The following GABRP variants were observed in gnomAD, a reference collection of about 807,000 sequenced individuals.
The protein encoded by GABRP is gamma-aminobutyric acid type A receptor subunit pi.
A neutral mutation model predicts 47.8 loss-of-function variants in GABRP; 52 were observed. The ratio of observed to expected loss-of-function variants is 1.09; its 90% confidence interval spans 0.87 to 1.37. The LOEUF is 1.37. Ranked by LOEUF, GABRP falls within the 40% of genes most tolerant of loss-of-function variation. The pLI is 0.00. For synonymous variants in GABRP, 221 were observed against 205.8 expected, an observed-to-expected ratio of 1.07 and a Z score of -0.63; for missense variants, 525 against 542.8, an observed-to-expected ratio of 0.97 and a Z score of 0.33.
intron 3 of GABRP, among the ~76,000 whole-genome samples, chr5:170,793,051 G>A (rs537267374): frequency 7.2e-5 from 11 of 152,126 alleles, no homozygotes; most frequent in Non-Finnish European, 1.0e-4. Flanking sequence ...TGGACATGAC[G>A]CTGGGAGCTT....
chr5:170,805,839 C>G lies in GABRP; in HGVS notation c.665C>G (p.Ser222Trp), dbSNP rs548370382. Residue 222 changes from serine (S) to tryptophan (W), a missense_variant, in exon 7 of 10, where the codon TCG becomes TGG. Transcript: ENST00000265294. The stretch of plus-strand genomic sequence containing the variant: ...CGGTATTTCACCTTAGTCACCAGAT[C>G]GCAGCAGGAGACAGGTAACTCATGT... ...IERYFTLVTR[S>W]QQETGNYTRL... 1 of 1,614,054 alleles carries G rather than the reference C, an allele frequency of 6.2e-7. No individual in the cohort carries two copies. The highest frequency in any genetic ancestry group is 8.5e-7 in the Non-Finnish European group (1 of 1,179,978).
In GABRP at chr5:170,809,732, C is replaced by T. The variant is rs760059859; in HGVS notation, c.997C>T (p.Gln333Ter). ...TGCAGTTGCTCACTACAGTTCCTTACAGCAGATGGCAGCCAAAGATAGGGT... is the reference window on the plus strand; with the variant it reads ...TGCAGTTGCTCACTACAGTTCCTTATAGCAGATGGCAGCCAAAGATAGGGT... ...EYAVAHYSSL[Q>*]QMAAKDRGTT... Residue 333 changes from glutamine to a stop codon, truncating the protein, a stop_gained, in exon 9 of 10, where the codon CAG (glutamine) becomes TAG (stop). Coordinates refer to ENST00000265294, the MANE Select transcript of GABRP (RefSeq NM_014211.3). LOFTEE classifies it high-confidence loss of function. 2 of 1,598,134 alleles carry T rather than the reference C, an allele frequency of 1.3e-6. No individual in the cohort carries two copies. Among genetic ancestry groups the T allele is most frequent in the South Asian group, 2.3e-5 (2 of 87,506 alleles).
At chr5:170,810,355 A>G (rs1172770190) in intron 9 of GABRP, among the ~76,000 whole-genome samples, 1 of 152,212 alleles carries the variant, frequency 6.6e-6, no homozygotes, top group Non-Finnish European at 1.5e-5. Flanking sequence ...CAAATACTAT[A>G]TTATTTTAAA....
intron 5 of GABRP, 137 bp from the exon 6 acceptor site, chr5:170,797,329 G>T (rs1292243848): frequency 9.3e-6 from 6 of 647,620 alleles, no homozygotes; most frequent in African/African-American, 3.6e-5. Flanking sequence ...CCTCAAGGAT[G>T]CTTTACATGC....
chr5:170,802,739 GT>G (rs1161746313), intron 6 of GABRP, among the ~76,000 whole-genome samples: 1,677 of 150,106 alleles, frequency 0.011, 21 homozygotes, highest in South Asian at 0.062. Context: ...ACCATCCCCA[GT>G]GAGCGGAGGG....
At chr5:170,787,550 C>T (rs1305625324) in intron 1 of GABRP, among the ~76,000 whole-genome samples, 1 of 152,228 alleles carries the variant, frequency 6.6e-6, no homozygotes, top group African/African-American at 2.4e-5. Context: ...GAGGTCACGA[C>T]AGCAGCAAGG....
chr5:170,802,944 C>T (rs1330266204), intron 6 of GABRP, among the ~76,000 whole-genome samples: 1 of 152,190 alleles, frequency 6.6e-6, no homozygotes, highest in Non-Finnish European at 1.5e-5. Context: ...TAGAAAAGAA[C>T]TGATACCATC....
At chr5:170,783,372 T>C (rs549260809), upstream of GABRP, among the ~76,000 whole-genome samples, 1 of 152,004 alleles carries the variant, frequency 6.6e-6, no homozygotes, top group South Asian at 2.1e-4. Context: ...CCTAAGGAGG[T>C]GAAGTGGCCA....
intron 6 of GABRP, among the ~76,000 whole-genome samples, chr5:170,800,256 T>A (rs1359029793): frequency 6.6e-6 from 1 of 152,174 alleles, no homozygotes; most frequent in Admixed American, 6.5e-5. Context: ...ATTCCCTACT[T>A]AACAAATGGT....
chr5:170,797,969 A>G (rs1366514938), intron 6 of GABRP, among the ~76,000 whole-genome samples: 1 of 152,206 alleles, frequency 6.6e-6, no homozygotes, highest in Middle Eastern at 3.2e-3. Flanking sequence ...GGCAGAGTTG[A>G]GTATTTGTGA....
chr5:170,794,911 A>G (rs1765381104), intron 4 of GABRP, among the ~76,000 whole-genome samples: 2 of 151,562 alleles, frequency 1.3e-5, no homozygotes, highest in Middle Eastern at 3.2e-3. Context: ...AGTCTTGAAC[A>G]TGGCGTTCCC....
At chr5:170,792,031 C>T (rs769247136) in intron 3 of GABRP, among the ~76,000 whole-genome samples, 6 of 152,184 alleles carry the variant, frequency 3.9e-5, no homozygotes, top group Non-Finnish European at 8.8e-5. Flanking sequence ...GCTTAATCAC[C>T]TCTTAAGGGT....
intron 3 of GABRP, 83 bp from the exon 4 acceptor site, chr5:170,794,148 T>A (rs1765356281): frequency 1.2e-6 from 1 of 822,902 alleles, no homozygotes; most frequent in African/African-American, 1.8e-5. Flanking sequence ...TTTGTAATTT[T>A]AATCTTTTTT....
intron 1 of GABRP, among the ~76,000 whole-genome samples, chr5:170,787,616 G>T (rs566038488): frequency 0.028 from 3,541 of 127,070 alleles, 234 homozygotes; most frequent in East Asian, 0.15. Flanking sequence ...AGAGAGTACC[G>T]GGGGGGAGGC....
intron 8 of GABRP, 54 bp downstream of exon 8, chr5:170,808,806 T>A: frequency 6.5e-7 from 1 of 1,529,192 alleles, no homozygotes; most frequent in Non-Finnish European, 9.0e-7. Flanking sequence ...GTTACTTACT[T>A]TTTTTCCTTT....
Position 170,812,102 on chromosome 5 carries a change from C to T in GABRP, c.1167C>T (p.Asp389=). ...DYSDLTMKTS[D]KFKFVFREKM... ...GTGACTTGACAATGAAAACCAGCGA[C>T]AAGTTCAAGTTTGTCTTCCGAGAAA... The change falls in exon 10 of 10, where the codon GAC becomes GAT. Residue 389 remains aspartate, a synonymous_variant. Transcript: ENST00000265294. 6.2e-7 allele frequency: 1 copy of T among 1,614,184 alleles called. No homozygotes were observed. The highest frequency in any genetic ancestry group is 8.5e-7 in the Non-Finnish European group (1 of 1,180,030).
chr5:170,797,730 C>A (rs181363368), intron 6 of GABRP, among the ~76,000 whole-genome samples, 182 bp downstream of exon 6: 3 of 152,316 alleles, frequency 2.0e-5, no homozygotes, highest in South Asian at 4.1e-4. Flanking sequence ...TGCCTAATAT[C>A]TTTTGGGGAG....
chr5:170,800,938 C>T (rs992344633), intron 6 of GABRP, among the ~76,000 whole-genome samples: 2 of 152,200 alleles, frequency 1.3e-5, no homozygotes, highest in Non-Finnish European at 2.9e-5. Flanking sequence ...AAGAACAAGA[C>T]ACCATCTCAA....
intron 3 of GABRP, among the ~76,000 whole-genome samples, chr5:170,789,926 G>A (rs547063905): frequency 2.8e-4 from 42 of 152,156 alleles, no homozygotes; most frequent in Non-Finnish European, 4.3e-4. Flanking sequence ...CAGAGCAAAC[G>A]CTGCCTTCTC....
Sources: allele counts gnomAD v4.1 joint callset (sites outside exome capture counted in the v4.1 genomes callset), GRCh38; gene constraint gnomAD v4.1.1; transcripts MANE v1.5; gene names NCBI Gene and HGNC (gene_info 2026-07-23, HGNC 2026-07-21).